LAMA2: variants seen among roughly 807,000 people sequenced by gnomAD.
The protein encoded by LAMA2 is laminin subunit alpha-2.
A neutral mutation model predicts 364.8 loss-of-function variants in LAMA2; 269 were observed. The observed-to-expected ratio is 0.74, with a 90% CI of 0.67 to 0.82. LAMA2 has a LOEUF of 0.82. Among genes scored for constraint, LAMA2 ranks in the 40% least tolerant of loss-of-function variants. LAMA2 has a pLI of 0.00. For synonymous variants in LAMA2, 1,379 were observed against 1,370.6 expected, an observed-to-expected ratio of 1.01 and a Z score of -0.14; for missense variants, 3,807 against 3,873.2, an observed-to-expected ratio of 0.98 and a Z score of 0.45.
At chr6:129,339,585 A>G (rs1354832726) in intron 29 of LAMA2, among the ~76,000 whole-genome samples, 1 of 152,182 alleles carries the variant, frequency 6.6e-6, no homozygotes, top group African/African-American at 2.4e-5. Context: ...AGGAGAAAAA[A>G]GAGATGAGGA....
At chr6:129,385,572 A>G (rs1357894796) in intron 35 of LAMA2, among the ~76,000 whole-genome samples, 3 of 152,148 alleles carry the variant, frequency 2.0e-5, no homozygotes, top group Non-Finnish European at 2.9e-5. Flanking sequence ...TATTCATCCT[A>G]TCTTTCATTA....
chr6:129,410,260 A>T (rs1486820599), intron 40 of LAMA2, among the ~76,000 whole-genome samples: 1 of 151,606 alleles, frequency 6.6e-6, no homozygotes, highest in Non-Finnish European at 1.5e-5. Flanking sequence ...AAGTCAGTGG[A>T]ATAGTCTAGT....
intron 45 of LAMA2, among the ~76,000 whole-genome samples, chr6:129,447,112 T>C (rs894697127): frequency 1.3e-5 from 2 of 152,230 alleles, no homozygotes; most frequent in African/African-American, 4.8e-5. Flanking sequence ...AAAAAGCCTC[T>C]ACTATGTTCA....
At chr6:129,257,552 G>A (rs765094135) in intron 14 of LAMA2, among the ~76,000 whole-genome samples, 7 of 151,990 alleles carry the variant, frequency 4.6e-5, no homozygotes, top group Non-Finnish European at 7.4e-5. Context: ...TTTAAGTTTT[G>A]CATGTCAATT....
At chr6:129,124,714 T>G (rs1183694278) in intron 4 of LAMA2, among the ~76,000 whole-genome samples, 1 of 152,352 alleles carries the variant, frequency 6.6e-6, no homozygotes, top group South Asian at 2.1e-4. Flanking sequence ...AAAAAAAATT[T>G]TAAATACCAT....
At chr6:129,124,711 A>T (rs2114925081) in intron 4 of LAMA2, among the ~76,000 whole-genome samples, 1 of 152,352 alleles carries the variant, frequency 6.6e-6, no homozygotes, top group Non-Finnish European at 1.5e-5. Flanking sequence ...CATAAAAAAA[A>T]TTTTAAATAC....
chr6:129,021,715 C>T (rs1785462480), intron 1 of LAMA2, among the ~76,000 whole-genome samples: 2 of 152,152 alleles, frequency 1.3e-5, no homozygotes, highest in South Asian at 2.1e-4. Context: ...CAAGTATGTC[C>T]TGCCTGGATA....
intron 4 of LAMA2, among the ~76,000 whole-genome samples, chr6:129,113,344 C>G (rs1776270993): frequency 6.6e-6 from 1 of 151,964 alleles, no homozygotes; most frequent in Non-Finnish European, 1.5e-5. Context: ...ATGAATCAAT[C>G]CAGTTGGCAG....
intron 1 of LAMA2, among the ~76,000 whole-genome samples, chr6:128,961,850 A>G (rs1275986527): frequency 6.6e-6 from 1 of 151,900 alleles, no homozygotes; most frequent in East Asian, 2.0e-4. Context: ...CAGCAATGGG[A>G]TAGTAACGAG....
intron 32 of LAMA2, among the ~76,000 whole-genome samples, chr6:129,363,534 T>C (rs958884663): frequency 6.6e-6 from 1 of 152,172 alleles, no homozygotes; most frequent in Non-Finnish European, 1.5e-5. Context: ...AGATCTGGGG[T>C]AGAGCCCGAT....
intron 3 of LAMA2, among the ~76,000 whole-genome samples, chr6:129,079,548 T>C (rs528733368): frequency 3.0e-4 from 44 of 147,526 alleles, no homozygotes; most frequent in Non-Finnish European, 5.8e-4. Flanking sequence ...AACACTTCTT[T>C]TTCTGTTTTT....
intron 53 of LAMA2, among the ~76,000 whole-genome samples, chr6:129,475,730 T>C (rs1320751462): frequency 1.3e-5 from 2 of 152,094 alleles, no homozygotes; most frequent in African/African-American, 4.8e-5. Context: ...CAATTTCTGG[T>C]ACACAGTCTA....
chr6:129,483,985 A>C (rs1382492827), intron 55 of LAMA2, among the ~76,000 whole-genome samples: 1 of 152,226 alleles, frequency 6.6e-6, no homozygotes, highest in Non-Finnish European at 1.5e-5. Context: ...TAAAGTCTTA[A>C]ATATGGAAGG....
At chr6:129,240,493 T>C (rs1201760253) in intron 12 of LAMA2, among the ~76,000 whole-genome samples, 2 of 152,124 alleles carry the variant, frequency 1.3e-5, no homozygotes, top group East Asian at 3.9e-4. Context: ...TTTTCCTAAG[T>C]CTTCTCTTTT....
chr6:129,434,147 A>G (rs1248273598), intron 41 of LAMA2, among the ~76,000 whole-genome samples: 4 of 152,230 alleles, frequency 2.6e-5, no homozygotes, highest in Non-Finnish European at 4.4e-5. Context: ...CAGAAACATG[A>G]TAAACAAGAG....
At chr6:129,204,371 T>C (rs918189174) in intron 12 of LAMA2, among the ~76,000 whole-genome samples, 2 of 151,824 alleles carry the variant, frequency 1.3e-5, no homozygotes, top group Admixed American at 6.6e-5. Flanking sequence ...AGTAACTAAT[T>C]AGAGAAGTAA....
intron 12 of LAMA2, among the ~76,000 whole-genome samples, chr6:129,222,246 T>C (rs952367706): frequency 1.4e-4 from 22 of 152,222 alleles, no homozygotes; most frequent in African/African-American, 5.3e-4. Flanking sequence ...TAGTATATCA[T>C]AAATCAAGTC....
chr6:129,348,048 A>T (rs1274523623), intron 30 of LAMA2, among the ~76,000 whole-genome samples: 1 of 152,178 alleles, frequency 6.6e-6, no homozygotes, highest in African/African-American at 2.4e-5. Context: ...GTGTTCGCGT[A>T]TGCGTGCATG....
At chr6:129,329,402 C>T (rs1010498967) in intron 29 of LAMA2, among the ~76,000 whole-genome samples, 3 of 152,058 alleles carry the variant, frequency 2.0e-5, no homozygotes, top group South Asian at 2.1e-4. Context: ...CTCACTCTGT[C>T]GTGCAGGCTG....
Sources: gnomAD v4.1 joint callset for allele counts (sites outside exome capture counted in the v4.1 genomes callset) on GRCh38, gnomAD v4.1.1 for gene constraint, MANE v1.5 for transcripts, NCBI Gene and HGNC (gene_info 2026-07-23, HGNC 2026-07-21) for gene names.